The following TOX2 variants were observed in gnomAD, a reference collection of about 807,000 sequenced individuals.
TOX2 encodes the protein granulosa cell HMG box 1.
TOX2 carries 15 observed loss-of-function variants against 47.4 expected under a neutral mutation model. That is an observed-to-expected ratio of 0.32 (90% CI 0.21 to 0.49). The LOEUF (loss-of-function observed/expected upper bound fraction) is 0.49. Among genes scored for constraint, TOX2 ranks in the 20% least tolerant of loss-of-function variants. The pLI, the probability that TOX2 is intolerant of heterozygous loss-of-function variation, is 0.99. For synonymous variants in TOX2, 290 were observed against 296.6 expected, an observed-to-expected ratio of 0.98 and a Z score of 0.23; for missense variants, 622 against 673.1, an observed-to-expected ratio of 0.92 and a Z score of 0.84.
intron 1 of TOX2, among the ~76,000 whole-genome samples, chr20:43,938,977 T>C (rs887117084): frequency 6.6e-6 from 1 of 152,160 alleles, no homozygotes; most frequent in Non-Finnish European, 1.5e-5. Context: ...TCTAGAAGCA[T>C]GGTCTTGCCT....
chr20:43,973,668 T>C (rs149150008), intron 2 of TOX2, among the ~76,000 whole-genome samples: 20 of 152,296 alleles, frequency 1.3e-4, no homozygotes, highest in African/African-American at 4.6e-4. Flanking sequence ...GGGAACTTGA[T>C]GAAACTTGAA....
At position 44,066,742 on chromosome 20, in the gene TOX2, A is replaced by G. The variant is rs1306867087; in HGVS notation, c.1369A>G (p.Ile457Val). 1.9e-6 allele frequency: 3 copies of G among 1,613,950 alleles called. No individual in the cohort carries two copies. Among genetic ancestry groups the G allele is most frequent in the Admixed American group, 3.3e-5 (2 of 59,992 alleles). Residue 457 changes from isoleucine to valine, a missense_variant, in exon 8 of 9, where the codon ATC (isoleucine) becomes GTC (valine). Transcript: ENST00000341197. ...SPPGPQDFPH[I>V]SEFPSSSGSC... ...TCCCACTCTGTAGGACTTCCCGCACATCTCTGAGTTCCCCAGCAGCTCGGG... is the reference window on the plus strand; with the variant it reads ...TCCCACTCTGTAGGACTTCCCGCACGTCTCTGAGTTCCCCAGCAGCTCGGG...
intron 1 of TOX2, among the ~76,000 whole-genome samples, chr20:43,923,390 T>G (rs533339546): frequency 6.6e-6 from 1 of 152,288 alleles, no homozygotes; most frequent in Non-Finnish European, 1.5e-5. Context: ...ATACTCTGCT[T>G]CTCAAACTTT....
At chr20:43,982,860 A>G (rs372165840) in intron 2 of TOX2, among the ~76,000 whole-genome samples, 1 of 151,420 alleles carries the variant, frequency 6.6e-6, no homozygotes, top group South Asian at 2.1e-4. Context: ...TTCCTCTGAA[A>G]TTCCTGTTGA....
chr20:44,043,626 C>T (rs972949768), intron 3 of TOX2, among the ~76,000 whole-genome samples: 1 of 152,176 alleles, frequency 6.6e-6, no homozygotes, highest in Non-Finnish European at 1.5e-5. Flanking sequence ...TGTGAATACA[C>T]CACAGATTTT....
At chr20:43,952,022 G>C (rs1333469464) in intron 1 of TOX2, among the ~76,000 whole-genome samples, 1 of 151,108 alleles carries the variant, frequency 6.6e-6, no homozygotes, top group East Asian at 2.0e-4. Flanking sequence ...TCGCCCTCCC[G>C]AGTAGCTGGA....
chr20:44,062,396 A>AAATAAATG (rs1555848509), intron 5 of TOX2, among the ~76,000 whole-genome samples: 1 of 149,098 alleles, frequency 6.7e-6, no homozygotes, highest in African/African-American at 2.5e-5. Context: ...ATAAATAAAT[A>AAATAAATG]AATAAATAAA....
intron 1 of TOX2, among the ~76,000 whole-genome samples, chr20:43,928,981 G>GGAA (rs2069213974): frequency 2.3e-5 from 2 of 86,118 alleles, no homozygotes; most frequent in Non-Finnish European, 4.5e-5. Flanking sequence ...CTAAAAATAT[G>GGAA]AAAAAAAAAA....
intron 1 of TOX2, among the ~76,000 whole-genome samples, chr20:43,930,574 G>A (rs1262061551): frequency 6.6e-6 from 1 of 152,162 alleles, no homozygotes; most frequent in Non-Finnish European, 1.5e-5. Context: ...TGATGACCTT[G>A]CCTTTGTCAG....
At chr20:44,007,782 G>A (rs142518998) in intron 3 of TOX2, among the ~76,000 whole-genome samples, 83 of 152,204 alleles carry the variant, frequency 5.5e-4, no homozygotes, top group African/African-American at 2.0e-3. Flanking sequence ...CAAGGCTGTG[G>A]TGACAGAGTG....
chr20:44,013,992 T>C (rs570039488), intron 3 of TOX2, among the ~76,000 whole-genome samples: 187 of 152,012 alleles, frequency 1.2e-3, no homozygotes, highest in Admixed American at 2.7e-3. Context: ...TAGCTGGGCA[T>C]AGTGGCTTGC....
intron 5 of TOX2, among the ~76,000 whole-genome samples, chr20:44,059,645 A>C (rs983089499): frequency 1.3e-5 from 2 of 152,224 alleles, no homozygotes; most frequent in Non-Finnish European, 2.9e-5. Context: ...ACGATTAGCC[A>C]AGAATTTTGT....
At chr20:43,930,060 G>A (rs754459325) in intron 1 of TOX2, among the ~76,000 whole-genome samples, 1 of 152,182 alleles carries the variant, frequency 6.6e-6, no homozygotes, top group Non-Finnish European at 1.5e-5. Flanking sequence ...TTACTTGGTT[G>A]CTCCCCCTTC....
chr20:44,054,489 C>T lies in TOX2; in HGVS notation c.842C>T (p.Ala281Val). The part of the protein sequence containing the change: ...ATFGDVSKIV[A>V]SMWDSLGEEQ... Reference sequence around the variant, plus strand: ...TTCGGTGACGTGTCCAAAATCGTGGCCTCCATGTGGGACAGCCTGGGAGAG... The same window carrying T: ...TTCGGTGACGTGTCCAAAATCGTGGTCTCCATGTGGGACAGCCTGGGAGAG... Residue 281 changes from alanine to valine, a missense_variant, in exon 5 of 9, where the codon GCC becomes GTC. Coordinates refer to ENST00000341197, the MANE Select transcript of TOX2 (RefSeq NM_001098797.2). The T allele has an allele frequency of 6.2e-7, 1 of 1,613,982 alleles. No individual in the cohort carries two copies. The highest frequency in any genetic ancestry group is 8.5e-7 in the Non-Finnish European group (1 of 1,179,944).
At chr20:44,011,825 C>T (rs561136568) in intron 3 of TOX2, among the ~76,000 whole-genome samples, 72 of 152,390 alleles carry the variant, frequency 4.7e-4, no homozygotes, top group African/African-American at 1.6e-3. Flanking sequence ...GCCACCAATT[C>T]TTTCCGGTCC....
chr20:43,967,537 C>T (rs1050976641), intron 1 of TOX2, among the ~76,000 whole-genome samples: 1 of 152,040 alleles, frequency 6.6e-6, no homozygotes, highest in African/African-American at 2.4e-5. Flanking sequence ...CATCCATGTT[C>T]ATCTCGTCCA....
At chr20:44,053,449 C>T (rs1424592928) in intron 4 of TOX2, among the ~76,000 whole-genome samples, 66 of 143,028 alleles carry the variant, frequency 4.6e-4, no homozygotes, top group South Asian at 4.4e-3. Context: ...TACACACACA[C>T]ACACACACAC....
intron 1 of TOX2, among the ~76,000 whole-genome samples, chr20:43,955,665 C>G (rs1367810432): frequency 6.6e-6 from 1 of 152,200 alleles, no homozygotes; most frequent in South Asian, 2.1e-4. Flanking sequence ...CTGAGACTCT[C>G]AAGGCCGTAT....
At chr20:43,987,172 G>A (rs138110828) in intron 2 of TOX2, among the ~76,000 whole-genome samples, 1 of 152,242 alleles carries the variant, frequency 6.6e-6, no homozygotes, top group East Asian at 1.9e-4. Context: ...CTTACACAGT[G>A]GAATACTATG....
Sources: allele counts gnomAD v4.1 joint callset (sites outside exome capture counted in the v4.1 genomes callset), GRCh38; gene constraint gnomAD v4.1.1; transcripts MANE v1.5; gene names NCBI Gene and HGNC (gene_info 2026-07-23, HGNC 2026-07-21).